UNC5D: variants seen among roughly 807,000 people sequenced by gnomAD.
The protein encoded by UNC5D is netrin receptor UNC5D.
UNC5D carries 39 observed loss-of-function variants against 105.4 expected under a neutral mutation model. The ratio of observed to expected loss-of-function variants is 0.37; its 90% CI spans 0.29 to 0.48. The LOEUF is 0.48. Among genes scored for constraint, UNC5D ranks in the 20% least tolerant of loss-of-function variants. The pLI, the probability that UNC5D is intolerant of heterozygous loss-of-function variation, is 0.98. For missense variants in UNC5D, 991 were observed against 1,202.4 expected, an observed-to-expected ratio of 0.82 and a Z score of 2.60; for synonymous variants, 452 against 450.4, an observed-to-expected ratio of 1.00 and a Z score of -0.04.
Position 35,793,203 on chromosome 8 carries a change from C to G in UNC5D, c.*2640C>G. 1 of 455,462 alleles carries G rather than the reference C, an allele frequency of 2.2e-6. No homozygotes were observed. The highest frequency in any genetic ancestry group is 4.4e-6 in the Non-Finnish European group (1 of 226,474). 28.2% of individuals were successfully genotyped at this position (455,462 alleles called of 1,614,324 possible). A position where few individuals can be genotyped will look rare whatever the true frequency, so the allele number is the denominator to read the frequency against. Reference sequence around the variant, plus strand: ...CTGTGGTCACTGCATGTCAGGATTGCACAGTATGTTACAATACAATTTCAA... The same window carrying G: ...CTGTGGTCACTGCATGTCAGGATTGGACAGTATGTTACAATACAATTTCAA... On this transcript the variant is annotated 3_prime_UTR_variant, in exon 17 of 17. Transcript: ENST00000404895.
intron 4 of UNC5D, among the ~76,000 whole-genome samples, chr8:35,640,027 T>C (rs1288009215): frequency 6.6e-6 from 1 of 152,092 alleles, no homozygotes; most frequent in Non-Finnish European, 1.5e-5. Flanking sequence ...GCCTGGCCTA[T>C]TTCACTTTTT....
In UNC5D at chr8:35,678,529, G is replaced by A. The variant is rs564166747; in HGVS notation, c.571-5018G>A. 3.9e-5 allele frequency among the ~76,000 whole-genome samples: 6 copies of A among 152,220 alleles called. No homozygotes were observed. In the East Asian group the frequency reaches 7.7e-4, roughly 20 times the overall value. The stretch of plus-strand genomic sequence containing the variant: ...TCAGAAAAAAAGAATAATTACCCCA[G>A]TTAAGACTTCTATAAACACTGCATT... On this transcript the variant is annotated intron_variant, in intron 4 of 16. Coordinates refer to ENST00000404895, the MANE Select transcript of UNC5D (RefSeq NM_080872.4).
chr8:35,320,608 A>T (rs536067902), intron 1 of UNC5D, among the ~76,000 whole-genome samples: 23 of 152,198 alleles, frequency 1.5e-4, no homozygotes, highest in African/African-American at 4.3e-4. Context: ...GCCTGCTGTT[A>T]TGTGATGCTG....
At chr8:35,487,962 T>G (rs1232030077) in intron 1 of UNC5D, among the ~76,000 whole-genome samples, 1 of 152,194 alleles carries the variant, frequency 6.6e-6, no homozygotes, top group Non-Finnish European at 1.5e-5. Context: ...GATATTTGTT[T>G]GAAAAGATGT....
intron 1 of UNC5D, among the ~76,000 whole-genome samples, chr8:35,321,627 G>A (rs1299407324): frequency 6.6e-6 from 1 of 152,136 alleles, no homozygotes; most frequent in Non-Finnish European, 1.5e-5. Flanking sequence ...TATAGCAGGT[G>A]AGAATGTACA....
intron 1 of UNC5D, among the ~76,000 whole-genome samples, chr8:35,259,746 TC>T (rs1251161627): frequency 1.3e-5 from 2 of 151,258 alleles, no homozygotes; most frequent in African/African-American, 4.9e-5. Flanking sequence ...AGCTGACTGA[TC>T]TTTTTTTTTT....
rs771696937 is a variant in UNC5D, at chr8:35,745,611, C to T, written c.1767-2916C>T. Among the ~76,000 whole-genome samples the T allele has an allele frequency of 2.6e-4, 40 of 152,156 alleles. 1 individual carries two copies. The highest frequency in any genetic ancestry group is 4.1e-4 in the South Asian group (2 of 4,820). On this transcript the variant is annotated intron_variant, in intron 11 of 16. Transcript: ENST00000404895. ...AGCAGAGTTCCTATAGAAATAAGAC[C>T]GGGCTCTTAAATTATTAAACTTCTT...
chr8:35,432,295 C>T (rs1806697568), intron 1 of UNC5D, among the ~76,000 whole-genome samples: 1 of 152,112 alleles, frequency 6.6e-6, no homozygotes, highest in South Asian at 2.1e-4. Flanking sequence ...TTACCCCATC[C>T]TGAAATAGTT....
At chr8:35,430,452 G>C in intron 1 of UNC5D, among the ~76,000 whole-genome samples, 1 of 152,088 alleles carries the variant, frequency 6.6e-6, no homozygotes, top group East Asian at 1.9e-4. Flanking sequence ...AGTTCTGTGA[G>C]CTGCTCTAGC....
chr8:35,559,073 T>A (rs946536429), intron 2 of UNC5D, among the ~76,000 whole-genome samples: 4 of 152,140 alleles, frequency 2.6e-5, no homozygotes, highest in Non-Finnish European at 5.9e-5. Flanking sequence ...GCATTACTCA[T>A]GAAGTTGTAC....
At chr8:35,584,823 T>A (rs1818680387) in intron 3 of UNC5D, among the ~76,000 whole-genome samples, 1 of 152,178 alleles carries the variant, frequency 6.6e-6, no homozygotes, top group African/African-American at 2.4e-5. Context: ...TTGTGTTTCT[T>A]ATTCTTCAAG....
intron 1 of UNC5D, among the ~76,000 whole-genome samples, chr8:35,250,247 G>A (rs1280786861): frequency 6.6e-6 from 1 of 152,110 alleles, no homozygotes; most frequent in Non-Finnish European, 1.5e-5. Flanking sequence ...CAGTGGGAAG[G>A]ACCCAGGGTT....
At chr8:35,631,727 C>T (rs1043518168) in intron 4 of UNC5D, among the ~76,000 whole-genome samples, 3 of 152,126 alleles carry the variant, frequency 2.0e-5, no homozygotes, top group African/African-American at 7.2e-5. Context: ...AGTTTCTTCA[C>T]CCATAATATA....
At chr8:35,729,371 C>T (rs1829066637) in intron 10 of UNC5D, among the ~76,000 whole-genome samples, 1 of 152,134 alleles carries the variant, frequency 6.6e-6, no homozygotes, top group Non-Finnish European at 1.5e-5. Flanking sequence ...TCGTTTATAT[C>T]TTCATGATGT....
intron 1 of UNC5D, among the ~76,000 whole-genome samples, chr8:35,491,021 T>C (rs911017673): frequency 6.6e-6 from 1 of 152,090 alleles, no homozygotes; most frequent in African/African-American, 2.4e-5. Flanking sequence ...TTGGTAAAAA[T>C]TGGCTGCAAT....
intron 13 of UNC5D, among the ~76,000 whole-genome samples, chr8:35,756,808 TA>T (rs1220138250): frequency 1.3e-5 from 2 of 152,162 alleles, no homozygotes; most frequent in African/African-American, 4.8e-5. Flanking sequence ...CAAAATAGTC[TA>T]GTACTACACT....
intron 1 of UNC5D, among the ~76,000 whole-genome samples, chr8:35,389,211 A>G (rs780394269): frequency 7.2e-5 from 11 of 152,204 alleles, no homozygotes; most frequent in Non-Finnish European, 1.5e-4. Context: ...TTCTGCTCTG[A>G]TGTCTAATGG....
chr8:35,747,392 G>GT (rs1479724692), intron 11 of UNC5D, among the ~76,000 whole-genome samples: 1 of 152,136 alleles, frequency 6.6e-6, no homozygotes, highest in Non-Finnish European at 1.5e-5. Flanking sequence ...GGGAAAGATG[G>GT]TATCTTTTAG....
At chr8:35,380,668 G>A (rs1223170005) in intron 1 of UNC5D, among the ~76,000 whole-genome samples, 1 of 151,998 alleles carries the variant, frequency 6.6e-6, no homozygotes, top group African/African-American at 2.4e-5. Context: ...TTTGAACCTG[G>A]TCTCTTCAAG....
Sources: gnomAD v4.1 joint callset for allele counts (sites outside exome capture counted in the v4.1 genomes callset) on GRCh38, gnomAD v4.1.1 for gene constraint, MANE v1.5 for transcripts, NCBI Gene and HGNC (gene_info 2026-07-23, HGNC 2026-07-21) for gene names.